The following ZDHHC7 variants were observed in gnomAD, a reference collection of about 807,000 sequenced individuals.
ZDHHC7 encodes the protein zDHHC palmitoyltransferase 7, also known as palmitoyltransferase ZDHHC7.
A neutral mutation model predicts 34.1 loss-of-function variants in ZDHHC7; 12 were observed. The observed-to-expected ratio is 0.35, with a 90% CI of 0.23 to 0.57. The LOEUF (loss-of-function observed/expected upper bound fraction) is 0.57. Ranked by LOEUF, ZDHHC7 falls within the 20% of genes least tolerant of loss-of-function variation. The pLI is 0.84. For synonymous variants in ZDHHC7, 185 were observed against 155.4 expected (o/e 1.19, Z -1.42); for missense variants, 388 against 402.7 (o/e 0.96, Z 0.31).
intron 2 of ZDHHC7, among the ~76,000 whole-genome samples, chr16:84,994,717 C>T (rs1411898143): frequency 6.6e-6 from 1 of 152,154 alleles, no homozygotes; most frequent in Non-Finnish European, 1.5e-5. Flanking sequence ...CATGGCAGGA[C>T]GTTCCTATAA....
intron 4 of ZDHHC7, among the ~76,000 whole-genome samples, chr16:84,979,918 G>A (rs571094395): frequency 1.3e-5 from 2 of 149,574 alleles, no homozygotes; most frequent in South Asian, 2.1e-4. Flanking sequence ...CAGCAGGTTC[G>A]CTGCAGGCAG....
chr16:85,018,252 A>G, the ZDHHC7 span, among the ~76,000 whole-genome samples: 1 of 152,148 alleles, frequency 6.6e-6, no homozygotes, highest in South Asian at 2.1e-4. Context: ...GGAAGACACA[A>G]AAGAGTACAT....
intron 3 of ZDHHC7, among the ~76,000 whole-genome samples, chr16:84,983,588 T>C (rs575180430): frequency 1.3e-5 from 2 of 152,338 alleles, no homozygotes; most frequent in East Asian, 1.9e-4. Flanking sequence ...GTCAGTCCCA[T>C]GGCCGCAATA....
chr16:85,005,387 A>C (rs2072705367), intron 1 of ZDHHC7, among the ~76,000 whole-genome samples: 1 of 152,246 alleles, frequency 6.6e-6, no homozygotes, highest in Non-Finnish European at 1.5e-5. Flanking sequence ...GAAGGTGAGA[A>C]GAAAGGCTAT....
At chr16:85,012,092 T>G (rs995489585), upstream of ZDHHC7, among the ~76,000 whole-genome samples, 5 of 152,132 alleles carry the variant, frequency 3.3e-5, no homozygotes, top group African/African-American at 1.2e-4. Flanking sequence ...TAGGAACATG[T>G]ATTTTAAGGC....
upstream of ZDHHC7, among the ~76,000 whole-genome samples, chr16:85,011,940 G>T (rs1336370209): frequency 6.6e-6 from 1 of 152,238 alleles, no homozygotes; most frequent in Non-Finnish European, 1.5e-5. Context: ...AAGCACTTGG[G>T]AAAAGAGGAA....
At chr16:84,992,914 T>C (rs1381128150) in intron 2 of ZDHHC7, among the ~76,000 whole-genome samples, 1 of 152,240 alleles carries the variant, frequency 6.6e-6, no homozygotes, top group Non-Finnish European at 1.5e-5. Context: ...TGAGGATTCA[T>C]TCGCCAAATA....
At chr16:84,983,146 G>T (rs943609618) in intron 3 of ZDHHC7, among the ~76,000 whole-genome samples, 1 of 152,214 alleles carries the variant, frequency 6.6e-6, no homozygotes, top group Non-Finnish European at 1.5e-5. Context: ...ACTTCACGTA[G>T]AAATCACAGA....
chr16:85,010,519 G>C (rs1052101076), intron 1 of ZDHHC7, among the ~76,000 whole-genome samples: 4 of 152,198 alleles, frequency 2.6e-5, no homozygotes, highest in African/African-American at 9.7e-5. Context: ...CATACACTAA[G>C]CAGACTGAAA....
chr16:84,994,432 AG>A (rs1402317421), intron 2 of ZDHHC7, among the ~76,000 whole-genome samples: 2 of 152,206 alleles, frequency 1.3e-5, no homozygotes, highest in Non-Finnish European at 2.9e-5. Context: ...CCATGAGAAA[AG>A]GAAGGGTGCT....
At chr16:84,997,181 T>A (rs1645504043) in intron 1 of ZDHHC7, among the ~76,000 whole-genome samples, 1 of 151,832 alleles carries the variant, frequency 6.6e-6, no homozygotes, top group African/African-American at 2.4e-5. Context: ...AAGAGATTGG[T>A]TCTGTGAAAC....
chr16:85,016,805 C>G, the ZDHHC7 span, among the ~76,000 whole-genome samples: 3,373 of 152,032 alleles, frequency 0.022, 130 homozygotes, highest in African/African-American at 0.077. Flanking sequence ...AAAAATAATT[C>G]CATTCTTATC....
rs2072792510 is a variant in ZDHHC7, at chr16:85,011,508, A to G, written c.-326T>C. On this transcript the variant is annotated 5_prime_UTR_variant, in exon 1 of 8. Coordinates refer to ENST00000313732, the MANE Select transcript of ZDHHC7 (RefSeq NM_017740.3). Reference sequence around the variant, plus strand: ...TGCCTCAGCCCGGAGCCTTGGCTGGAGAGCGGGGCGGTGCGAGCGCCGGAA... The same window carrying G: ...TGCCTCAGCCCGGAGCCTTGGCTGGGGAGCGGGGCGGTGCGAGCGCCGGAA... 6.6e-6 allele frequency: 1 copy of G among 152,174 alleles called. No homozygotes were observed. Among genetic ancestry groups the G allele is most frequent in the Non-Finnish European group, 1.5e-5 (1 of 68,048 alleles). The allele number at this position is 152,174 out of a possible 1,614,324, so 9.4% of individuals were successfully genotyped here.
upstream of ZDHHC7, among the ~76,000 whole-genome samples, chr16:85,014,506 A>G (rs1221825108): frequency 6.6e-6 from 1 of 152,184 alleles, no homozygotes; most frequent in Non-Finnish European, 1.5e-5. Flanking sequence ...AAGGCAGTTA[A>G]TCTGTAACAA....
chr16:84,987,761 C>A (rs1156490208), intron 3 of ZDHHC7, among the ~76,000 whole-genome samples: 1 of 152,206 alleles, frequency 6.6e-6, no homozygotes. Context: ...GAATATTATT[C>A]AGCCTTAAAC....
chr16:84,985,055 T>G (rs1056625401), intron 3 of ZDHHC7, among the ~76,000 whole-genome samples: 5 of 152,230 alleles, frequency 3.3e-5, no homozygotes, highest in Admixed American at 2.6e-4. Flanking sequence ...GACGTTTTTT[T>G]CTAAAACACT....
At chr16:85,000,948 C>G (rs553023835) in intron 1 of ZDHHC7, among the ~76,000 whole-genome samples, 2 of 152,214 alleles carry the variant, frequency 1.3e-5, no homozygotes, top group Non-Finnish European at 2.9e-5. Context: ...ATAAAGACAA[C>G]AGACAGCATG....
At chr16:84,983,440 C>T (rs943824557) in intron 3 of ZDHHC7, among the ~76,000 whole-genome samples, 23 of 152,140 alleles carry the variant, frequency 1.5e-4, no homozygotes, top group Non-Finnish European at 1.5e-4. Flanking sequence ...GAGCCAGAGA[C>T]TGCTGCCCGC....
chr16:85,025,257 T>G, the ZDHHC7 span, among the ~76,000 whole-genome samples: 3 of 145,312 alleles, frequency 2.1e-5, no homozygotes, highest in Non-Finnish European at 3.0e-5. Flanking sequence ...GGTGACAGAG[T>G]GAGATGATTT....
Sources: gnomAD v4.1 joint callset for allele counts (sites outside exome capture counted in the v4.1 genomes callset) on GRCh38, gnomAD v4.1.1 for gene constraint, MANE v1.5 for transcripts, NCBI Gene and HGNC (gene_info 2026-07-23, HGNC 2026-07-21) for gene names.